The following ZFYVE26 variants were observed in gnomAD, a reference collection of about 807,000 sequenced individuals.
ZFYVE26 encodes zinc finger FYVE domain-containing protein 26.
In ZFYVE26, 181 loss-of-function variants were observed where a neutral mutation model predicts 276.5. That is an observed-to-expected ratio of 0.65 (90% CI 0.58 to 0.74). ZFYVE26 has a LOEUF of 0.74. Among genes scored for constraint, ZFYVE26 ranks in the 30% least tolerant of loss-of-function variants. The pLI, the probability that ZFYVE26 is intolerant of heterozygous loss-of-function variation, is 0.00. For synonymous variants in ZFYVE26, 1,129 were observed against 1,203.1 expected, an observed-to-expected ratio of 0.94 and a Z score of 1.27; for missense variants, 2,821 against 3,097.9, an observed-to-expected ratio of 0.91 and a Z score of 2.12.
intron 27 of ZFYVE26, 137 bp from the exon 28 acceptor site, chr14:67,772,347 T>C (rs1049434318): frequency 2.9e-6 from 3 of 1,035,800 alleles, no homozygotes; most frequent in Non-Finnish European, 4.3e-6. Context: ...TCAGTGACTG[T>C]TTGTGTCATA....
In ZFYVE26 at chr14:67,781,458, C is replaced by A; in HGVS notation, c.4444G>T (p.Val1482Leu). 1 of 1,614,204 alleles carries A rather than the reference C, an allele frequency of 6.2e-7. No individual in the cohort carries two copies. Among genetic ancestry groups the A allele is most frequent in the Non-Finnish European group, 8.5e-7 (1 of 1,180,044 alleles). The change falls in exon 22 of 42, where the codon GTG (valine) becomes TTG (leucine). Residue 1482 changes from valine (V) to leucine (L), a missense_variant. Val to Leu is a conservative substitution (Grantham distance 32). Transcript: ENST00000347230. Reference protein sequence around the residue: ...SLRSRLALQFVDRWPLESCLE... With the variant: ...SLRSRLALQFLDRWPLESCLE... ...CATGACTCCAGGGGCCACCTGTCCA[C>A]AAACTGTAGGGCCAGCCGACTTCTC... is the stretch of plus-strand genomic sequence containing the variant.
chr14:67,766,217 T>C lies in ZFYVE26; in HGVS notation c.6011+10A>G. On this transcript the variant is annotated intron_variant, in intron 32 of 41. Coordinates refer to ENST00000347230, the MANE Select transcript of ZFYVE26 (RefSeq NM_015346.4). Reference sequence around the variant, plus strand: ...CCTGTGTAAAAGAATAGAGACCCACTGCCCTCTACCTGTCACAAAGAGCCA... The same window carrying C: ...CCTGTGTAAAAGAATAGAGACCCACCGCCCTCTACCTGTCACAAAGAGCCA... 6.2e-7 allele frequency: 1 copy of C among 1,612,698 alleles called. No individual in the cohort carries two copies. Among genetic ancestry groups the C allele is most frequent in the Non-Finnish European group, 8.5e-7 (1 of 1,178,804 alleles).
intron 35 of ZFYVE26, among the ~76,000 whole-genome samples, chr14:67,759,871 C>T (rs1456813701): frequency 6.6e-6 from 1 of 152,074 alleles, no homozygotes; most frequent in Non-Finnish European, 1.5e-5. Flanking sequence ...AGTCTTTGGG[C>T]AGAGTGGGCA....
intron 35 of ZFYVE26, among the ~76,000 whole-genome samples, chr14:67,757,474 G>A (rs951239662): frequency 6.6e-6 from 1 of 152,034 alleles, no homozygotes; most frequent in African/African-American, 2.4e-5. Flanking sequence ...CGTGTTCTTT[G>A]GAGCTTTACT....
intron 35 of ZFYVE26, chr14:67,756,386 C>T: frequency 1.8e-6 from 1 of 559,586 alleles, no homozygotes; most frequent in Non-Finnish European, 3.2e-6. Context: ...CTCCAATTCC[C>T]TCCTGTGATT....
chr14:67,734,257 CTCTT>C, intron 13 of ZFYVE26: 1 of 198,540 alleles, frequency 5.0e-6, no homozygotes, highest in South Asian at 1.0e-4. Flanking sequence ...CTTGGTTGAT[CTCTT>C]TCTTTTTAAA....
At chr14:67,803,969 A>T (rs1461254476) in intron 9 of ZFYVE26, 132 bp downstream of exon 9, 5 of 1,212,812 alleles carry the variant, frequency 4.1e-6, no homozygotes, top group South Asian at 1.3e-5. Flanking sequence ...AACAGTGCTC[A>T]TTTAGAGGAG....
rs2039544594 is a variant in ZFYVE26 at position 67,783,001 on chromosome 14, C to T, written c.4151G>A (p.Gly1384Glu). The change falls in exon 21 of 42, where the codon GGG becomes GAG. Residue 1384 changes from glycine to glutamate, a missense_variant. Coordinates refer to ENST00000347230, the MANE Select transcript of ZFYVE26 (RefSeq NM_015346.4). ...ACAGAGATTCACTGCCAGACTCTGCCCCTGCTGCAAAGACCCTCGCAGGGG... is the reference window on the plus strand; with the variant it reads ...ACAGAGATTCACTGCCAGACTCTGCTCCTGCTGCAAAGACCCTCGCAGGGG... Reference protein sequence around the residue: ...WEPLRGSLQQGQSLAVNLCGW... With the variant: ...WEPLRGSLQQEQSLAVNLCGW... The T allele has an allele frequency of 3.1e-6, 5 of 1,614,092 alleles. No homozygotes were observed. Among genetic ancestry groups the T allele is most frequent in the Non-Finnish European group, 4.2e-6 (5 of 1,180,036 alleles).
chr14:67,778,484 G>C (rs2039411464), intron 23 of ZFYVE26, among the ~76,000 whole-genome samples: 1 of 152,232 alleles, frequency 6.6e-6, no homozygotes, highest in African/African-American at 2.4e-5. Context: ...AGATTCTAAG[G>C]AAGTGGGAAA....
chr14:67,760,899 G>A, intron 35 of ZFYVE26: 1 of 285,532 alleles, frequency 3.5e-6, no homozygotes. Context: ...TCTATTTGGG[G>A]TTCAACTATA....
At chr14:67,776,714 G>A (rs907838285) in intron 25 of ZFYVE26, among the ~76,000 whole-genome samples, 5 of 152,200 alleles carry the variant, frequency 3.3e-5, no homozygotes, top group African/African-American at 1.2e-4. Context: ...ACGATCACTA[G>A]GCTTGAAATA....
intron 32 of ZFYVE26, among the ~76,000 whole-genome samples, chr14:67,765,676 G>C (rs1254452607): frequency 1.3e-5 from 2 of 152,180 alleles, no homozygotes; most frequent in East Asian, 3.8e-4. Flanking sequence ...AGGAACCTGA[G>C]GGAGGTCTAA....
At chr14:67,729,221 C>T in exon 14 of ZFYVE26, 1 of 1,612,120 alleles carries the variant, frequency 6.2e-7, no homozygotes, top group African/African-American at 1.3e-5. Context: ...GCAGTGCACC[C>T]AGGCGTCGTC....
rs1043255922 is a variant in ZFYVE26 at position 67,756,301 on chromosome 14, C to T, written c.6589-156G>A. ...GTGTCACAGATACCTTTGAGAATCT[C>T]ATTCTAGCGACTGCTTCACTTCTCT... On this transcript the variant is annotated intron_variant, in intron 35 of 41. Transcript: ENST00000347230. The T allele has an allele frequency of 8.6e-6, 7 of 815,282 alleles. No individual in the cohort carries two copies. In the African/African-American group the frequency reaches 1.2e-4, roughly 14 times the overall value. The allele number at this position is 815,282 out of a possible 1,614,324, so 50.5% of individuals were successfully genotyped here.
chr14:67,766,162 G>A, intron 32 of ZFYVE26, 65 bp downstream of exon 32: 3 of 1,488,678 alleles, frequency 2.0e-6, no homozygotes, highest in South Asian at 2.3e-5. Flanking sequence ...TCACAGTGGG[G>A]TCAGAAAAAG....
At chr14:67,750,388 T>C (rs1433066159) in intron 41 of ZFYVE26, 4 of 155,462 alleles carry the variant, frequency 2.6e-5, no homozygotes, top group African/African-American at 9.6e-5. Flanking sequence ...AGATAATTTT[T>C]CTGCCACTGG....
chr14:67,781,264 A>G lies in ZFYVE26; in HGVS notation c.4569+69T>C, dbSNP rs1353522753. 1.2e-5 allele frequency: 18 copies of G among 1,564,888 alleles called. No homozygotes were observed. In the South Asian group the frequency reaches 1.8e-4, roughly 16 times the overall value. ...TCTCTTTCTTAAAGTCCCCCATCAT[A>G]TAAGATAGGTTGGGGTTGATCATAG... On this transcript the variant is annotated intron_variant, in intron 22 of 41. Transcript: ENST00000347230.
chr14:67,791,188 A>G (rs1305721959), intron 14 of ZFYVE26, among the ~76,000 whole-genome samples: 1 of 152,234 alleles, frequency 6.6e-6, no homozygotes, highest in Non-Finnish European at 1.5e-5. Context: ...TTGGCAATCC[A>G]TAAAGCTTTA....
At chr14:67,782,675 T>C (rs1363076320) in intron 21 of ZFYVE26, 105 bp downstream of exon 21, 1 of 1,547,922 alleles carries the variant, frequency 6.5e-7, no homozygotes, top group Non-Finnish European at 8.8e-7. Flanking sequence ...GAGATTATAG[T>C]GGGGCTTCTC....
Sources: gnomAD v4.1 joint callset for allele counts (sites outside exome capture counted in the v4.1 genomes callset) on GRCh38, gnomAD v4.1.1 for gene constraint, MANE v1.5 for transcripts, NCBI Gene and HGNC (gene_info 2026-07-23, HGNC 2026-07-21) for gene names.